RBFOX1: variants seen among roughly 807,000 people sequenced by gnomAD.
RBFOX1 encodes the protein RNA binding fox-1 homolog 1.
RBFOX1 carries 8 observed loss-of-function variants against 57.7 expected under a neutral mutation model. The observed-to-expected ratio is 0.14, with a 90% CI of 0.08 to 0.25. RBFOX1 has a LOEUF of 0.25. RBFOX1 is among the 10% of genes least tolerant of loss of function. RBFOX1 has a pLI of 1.00. For missense variants in RBFOX1, 611 were observed against 548.5 expected (o/e 1.11, Z -1.14); for synonymous variants, 326 against 222.4 (o/e 1.47, Z -4.15).
intron 3 of RBFOX1, among the ~76,000 whole-genome samples, chr16:7,022,582 TATC>T (rs1166011996): frequency 1.3e-5 from 2 of 152,128 alleles, no homozygotes; most frequent in Non-Finnish European, 2.9e-5. Context: ...TTTGAAAACT[TATC>T]TAATATTTAT....
chr16:7,529,558 T>G (rs909222357), intron 5 of RBFOX1, among the ~76,000 whole-genome samples: 3 of 152,232 alleles, frequency 2.0e-5, no homozygotes, highest in African/African-American at 7.2e-5. Flanking sequence ...TTGACATATT[T>G]CCACTGCAAA....
intron 2 of RBFOX1, among the ~76,000 whole-genome samples, chr16:6,401,498 G>C (rs1410237432): frequency 1.3e-5 from 2 of 152,056 alleles, no homozygotes; most frequent in Admixed American, 6.6e-5. Context: ...TAATTTGAAG[G>C]GCATGAAATG....
At chr16:6,193,358 A>T (rs1408807136) in intron 1 of RBFOX1, among the ~76,000 whole-genome samples, 8 of 20,686 alleles carry the variant, frequency 3.9e-4, no homozygotes, top group East Asian at 2.8e-3. Context: ...TATATACATT[A>T]TATATATATA....
intron 1 of RBFOX1, among the ~76,000 whole-genome samples, chr16:5,349,258 G>A (rs12102830): frequency 0.12 from 19,007 of 152,194 alleles, 3,032 homozygotes; most frequent in African/African-American, 0.38. Flanking sequence ...TAGAAACAGA[G>A]TAGAATATTG....
chr16:6,483,918 T>C, intron 2 of RBFOX1: 6 of 1,088,064 alleles, frequency 5.5e-6, no homozygotes, highest in Non-Finnish European at 6.7e-6. Context: ...GGACGCGGTA[T>C]GTAAGCCGAG....
At chr16:5,457,458 A>G (rs1034164690) in intron 1 of RBFOX1, among the ~76,000 whole-genome samples, 7 of 152,134 alleles carry the variant, frequency 4.6e-5, no homozygotes, top group African/African-American at 1.7e-4. Flanking sequence ...TTATAAGAGC[A>G]CTAATCCCAT....
intron 3 of RBFOX1, among the ~76,000 whole-genome samples, chr16:6,816,321 A>T (rs1451419848): frequency 6.6e-6 from 1 of 152,132 alleles, no homozygotes; most frequent in African/African-American, 2.4e-5. Context: ...TCAATCATTC[A>T]GTCAACAATC....
chr16:7,139,112 G>T (rs2072879410), intron 4 of RBFOX1, among the ~76,000 whole-genome samples: 1 of 151,456 alleles, frequency 6.6e-6, no homozygotes, highest in African/African-American at 2.4e-5. Flanking sequence ...TCAACTTACA[G>T]ATTTTGATAT....
chr16:6,318,113 G>A (rs1043818277), intron 2 of RBFOX1, among the ~76,000 whole-genome samples: 1 of 152,158 alleles, frequency 6.6e-6, no homozygotes, highest in Admixed American at 6.6e-5. Context: ...ATATTCAAAT[G>A]CAGAGGGGAA....
chr16:5,935,943 G>A (rs1366819497), intron 4 of RBFOX1, among the ~76,000 whole-genome samples: 1 of 152,104 alleles, frequency 6.6e-6, no homozygotes, highest in East Asian at 1.9e-4. Flanking sequence ...AGCCTCCCCT[G>A]GAGGCCCTCA....
At chr16:6,632,855 T>G (rs530097679) in intron 2 of RBFOX1, among the ~76,000 whole-genome samples, 2 of 152,338 alleles carry the variant, frequency 1.3e-5, no homozygotes, top group African/African-American at 4.8e-5. Context: ...TTAAAACCTG[T>G]TAACCTTATA....
intron 11 of RBFOX1, among the ~76,000 whole-genome samples, chr16:7,647,153 C>T (rs1441441435): frequency 6.6e-6 from 1 of 152,152 alleles, no homozygotes; most frequent in Non-Finnish European, 1.5e-5. Context: ...TTCCCAAGAA[C>T]TGAGATGGTT....
At chr16:6,926,308 A>C (rs1368788208) in intron 3 of RBFOX1, among the ~76,000 whole-genome samples, 1 of 152,100 alleles carries the variant, frequency 6.6e-6, no homozygotes. Context: ...CTCCATCTCA[A>C]AGAAAAAACA....
intron 4 of RBFOX1, among the ~76,000 whole-genome samples, chr16:7,307,942 G>C (rs1268887410): frequency 2.0e-5 from 3 of 152,184 alleles, no homozygotes; most frequent in Non-Finnish European, 2.9e-5. Context: ...GCTGAACTTA[G>C]AACTCACATA....
chr16:7,236,073 A>C (rs986605830), intron 4 of RBFOX1, among the ~76,000 whole-genome samples: 1 of 152,200 alleles, frequency 6.6e-6, no homozygotes, highest in Non-Finnish European at 1.5e-5. Context: ...GTTATTGTCT[A>C]TCTGGACTTA....
At chr16:7,379,763 T>C (rs1411027352) in intron 4 of RBFOX1, among the ~76,000 whole-genome samples, 1 of 151,210 alleles carries the variant, frequency 6.6e-6, no homozygotes, top group Non-Finnish European at 1.5e-5. Context: ...CCTGCCTGCC[T>C]GCCTTCCTGC....
intron 4 of RBFOX1, among the ~76,000 whole-genome samples, chr16:5,996,250 A>G (rs926972841): frequency 6.6e-6 from 1 of 152,178 alleles, no homozygotes; most frequent in Non-Finnish European, 1.5e-5. Context: ...GCTCTGCAGC[A>G]GGGAGAACTT....
chr16:6,779,794 TAC>T lies in RBFOX1; in HGVS notation c.-16+125145_-16+125146del, dbSNP rs1468123464. Among the ~76,000 whole-genome samples, 12 of 3,918 alleles carry T rather than the reference TAC, an allele frequency of 3.1e-3. 2 individuals are homozygous for T. The highest frequency in any genetic ancestry group is 0.03 in the South Asian group (4 of 134). 2.6% of individuals were successfully genotyped at this position (3,918 alleles called of 152,430 possible). ...ATATATTTATATATATTTTTATATA[TAC>T]TTTTATATATTTATATATATATTTA... On this transcript the variant is annotated intron_variant, in intron 3 of 15. Transcript: ENST00000550418.
At chr16:5,714,737 T>G (rs1400479323) in intron 3 of RBFOX1, among the ~76,000 whole-genome samples, 1 of 152,236 alleles carries the variant, frequency 6.6e-6, no homozygotes, top group East Asian at 1.9e-4. Context: ...ATTGTAATAC[T>G]GTATTGTGCA....
Sources: gnomAD v4.1 joint callset for allele counts (sites outside exome capture counted in the v4.1 genomes callset) on GRCh38, gnomAD v4.1.1 for gene constraint, MANE v1.5 for transcripts, NCBI Gene and HGNC (gene_info 2026-07-23, HGNC 2026-07-21) for gene names.